Variants in IDE observed in about 807,000 individuals in gnomAD.
IDE encodes insulin-degrading enzyme.
Under a neutral mutation model 133.2 loss-of-function variants are expected in IDE, and 58 were observed. That is an observed-to-expected ratio of 0.44 (90% CI 0.35 to 0.54). The LOEUF (loss-of-function observed/expected upper bound fraction) is 0.54. Ranked by LOEUF, IDE falls within the 20% of genes least tolerant of loss-of-function variation. The pLI is 0.00. For synonymous variants in IDE, 396 were observed against 421.3 expected (o/e 0.94, Z 0.73); for missense variants, 981 against 1,234.0 (o/e 0.79, Z 3.07).
At chr10:92,504,941 C>A in intron 10 of IDE, 44 bp from the exon 11 acceptor site, 1 of 867,478 alleles carries the variant, frequency 1.2e-6, no homozygotes, top group Non-Finnish European at 1.8e-6. Flanking sequence ...TACAAAGCTA[C>A]TACATAGTTT....
intron 2 of IDE, among the ~76,000 whole-genome samples, chr10:92,536,383 CAAAAAAA>C (rs58280739): frequency 9.1e-5 from 5 of 54,854 alleles, no homozygotes; most frequent in Admixed American, 6.9e-4. Flanking sequence ...AACTCCGTCT[CAAAAAAA>C]AAAAAAAAAA....
chr10:92,556,630 T>C (rs1843023854), intron 1 of IDE, among the ~76,000 whole-genome samples: 1 of 151,872 alleles, frequency 6.6e-6, no homozygotes, highest in South Asian at 2.1e-4. Context: ...TGGTGGTGGG[T>C]ACCTGTAATC....
intron 22 of IDE, among the ~76,000 whole-genome samples, chr10:92,459,824 C>CTTTTTTTTTTT (rs901315055): frequency 1.1e-5 from 1 of 92,782 alleles, no homozygotes; most frequent in Admixed American, 1.3e-4. Flanking sequence ...GTGTGAACCT[C>CTTTTTTTTTTT]TTTTTTTTTT....
At chr10:92,456,484 A>G in intron 22 of IDE, 53 bp from the exon 23 acceptor site, 4 of 1,167,818 alleles carry the variant, frequency 3.4e-6, no homozygotes, top group Non-Finnish European at 5.2e-6. Context: ...AGAACTTACA[A>G]TGAGGTGTTC....
chr10:92,495,666 T>C (rs1165815121), intron 11 of IDE, among the ~76,000 whole-genome samples: 2 of 151,660 alleles, frequency 1.3e-5, no homozygotes, highest in Non-Finnish European at 2.9e-5. Context: ...AATTTTTAAA[T>C]AGGGATTCAA....
At chr10:92,530,597 T>C (rs1054361137) in intron 4 of IDE, among the ~76,000 whole-genome samples, 9 of 152,210 alleles carry the variant, frequency 5.9e-5, no homozygotes, top group Non-Finnish European at 1.2e-4. Context: ...TGATATTTGT[T>C]TTTTAAAACT....
chr10:92,500,453 A>G (rs149946154), intron 11 of IDE, among the ~76,000 whole-genome samples: 5 of 152,372 alleles, frequency 3.3e-5, no homozygotes, highest in African/African-American at 9.6e-5. Context: ...AAGTGAAATG[A>G]ACCAGGCACA....
At chr10:92,493,114 A>C (rs973479616) in intron 11 of IDE, among the ~76,000 whole-genome samples, 2 of 152,220 alleles carry the variant, frequency 1.3e-5, no homozygotes, top group Non-Finnish European at 2.9e-5. Flanking sequence ...GTCAGAAGGA[A>C]GTGATGCATG....
At position 92,475,869 on chromosome 10, in the gene IDE, G is replaced by A; in HGVS notation, c.1995+15C>T. 1.0e-6 allele frequency: 1 copy of A among 973,396 alleles called. No individual in the cohort carries two copies. Among genetic ancestry groups the A allele is most frequent in the Non-Finnish European group, 1.6e-6 (1 of 631,108 alleles). 60.3% of individuals were successfully genotyped at this position (973,396 alleles called of 1,614,324 possible). A position where few individuals can be genotyped will look rare whatever the true frequency, so the allele number is the denominator to read the frequency against. The stretch of plus-strand genomic sequence containing the variant: ...ATTATCTTATGAATAAAAAAGCAGG[G>A]TTCAGAAAACTTACTGCTTCTTTGA... On this transcript the variant is annotated intron_variant, in intron 16 of 24. Coordinates refer to ENST00000265986, the MANE Select transcript of IDE (RefSeq NM_004969.4).
intron 10 of IDE, among the ~76,000 whole-genome samples, chr10:92,506,195 T>A (rs1261426367): frequency 6.6e-6 from 1 of 152,190 alleles, no homozygotes; most frequent in Non-Finnish European, 1.5e-5. Context: ...GCTGTAGAAC[T>A]GAAATATATT....
At chr10:92,543,414 A>C (rs1353040364) in intron 1 of IDE, among the ~76,000 whole-genome samples, 1 of 152,258 alleles carries the variant, frequency 6.6e-6, no homozygotes, top group East Asian at 1.9e-4. Flanking sequence ...GAACTAAAAA[A>C]TAACAACATG....
At chr10:92,570,669 C>G (rs1843739699) in intron 1 of IDE, among the ~76,000 whole-genome samples, 1 of 152,068 alleles carries the variant, frequency 6.6e-6, no homozygotes, top group Non-Finnish European at 1.5e-5. Context: ...GCCTGTAACC[C>G]CAGCACTTTG....
intron 11 of IDE, among the ~76,000 whole-genome samples, chr10:92,498,123 G>T (rs1439462380): frequency 6.6e-6 from 1 of 152,138 alleles, no homozygotes; most frequent in Non-Finnish European, 1.5e-5. Context: ...GATGAGCAGG[G>T]TTCAAGGAAA....
chr10:92,496,457 A>C (rs930377777), intron 11 of IDE, among the ~76,000 whole-genome samples: 1 of 152,160 alleles, frequency 6.6e-6, no homozygotes, highest in African/African-American at 2.4e-5. Flanking sequence ...ACACAGAAAA[A>C]AGGAGTTGAA....
At chr10:92,548,197 T>A (rs375446633) in intron 1 of IDE, among the ~76,000 whole-genome samples, 2 of 151,764 alleles carry the variant, frequency 1.3e-5, no homozygotes, top group Admixed American at 1.3e-4. Context: ...CCATCTCTAC[T>A]AAAAACACCA....
chr10:92,523,472 G>A (rs1423173771), intron 4 of IDE, among the ~76,000 whole-genome samples: 2 of 151,172 alleles, frequency 1.3e-5, no homozygotes, highest in Non-Finnish European at 2.9e-5. Flanking sequence ...GGGAGGCCAA[G>A]GCAGGCAAAT....
At chr10:92,490,434 G>T in intron 12 of IDE, 59 bp downstream of exon 12, 1 of 1,045,568 alleles carries the variant, frequency 9.6e-7, no homozygotes, top group Non-Finnish European at 1.5e-6. Context: ...TGGATCTAGG[G>T]AGCAATGTTC....
intron 1 of IDE, among the ~76,000 whole-genome samples, chr10:92,561,278 T>C (rs1297326403): frequency 6.6e-6 from 1 of 150,952 alleles, no homozygotes; most frequent in East Asian, 2.0e-4. Context: ...AATAAGTAAA[T>C]AAATAAATAA....
intron 5 of IDE, among the ~76,000 whole-genome samples, chr10:92,511,559 G>A (rs1354597021): frequency 6.6e-6 from 1 of 152,116 alleles, no homozygotes; most frequent in Non-Finnish European, 1.5e-5. Flanking sequence ...TGACCCATTT[G>A]GAACTTTTCC....
Sources: gnomAD v4.1 joint callset for allele counts (sites outside exome capture counted in the v4.1 genomes callset) on GRCh38, gnomAD v4.1.1 for gene constraint, MANE v1.5 for transcripts, NCBI Gene and HGNC (gene_info 2026-07-23, HGNC 2026-07-21) for gene names.